KIF5C: variants seen among roughly 807,000 people sequenced by gnomAD.
The protein encoded by KIF5C is kinesin family member 5C.
KIF5C carries 18 observed loss-of-function variants against 125.2 expected under a neutral mutation model. The ratio of observed to expected loss-of-function variants is 0.14; its 90% CI spans 0.10 to 0.21. The LOEUF is 0.21. KIF5C is among the 10% of genes least tolerant of loss of function. The pLI is 1.00. For missense variants in KIF5C, 780 were observed against 1,183.8 expected, an observed-to-expected ratio of 0.66 and a Z score of 5.01; for synonymous variants, 405 against 434.0, an observed-to-expected ratio of 0.93 and a Z score of 0.83.
At chr2:148,988,812 T>C (rs1234599592) in intron 15 of KIF5C, among the ~76,000 whole-genome samples, 1 of 152,194 alleles carries the variant, frequency 6.6e-6, no homozygotes, top group Non-Finnish European at 1.5e-5. Flanking sequence ...GGCAGATCTT[T>C]GGCAGTCGGA....
At chr2:149,008,869 T>A (rs1232978028) in intron 23 of KIF5C, among the ~76,000 whole-genome samples, 3 of 152,160 alleles carry the variant, frequency 2.0e-5, no homozygotes, top group African/African-American at 4.8e-5. Flanking sequence ...TTCTAGATAG[T>A]TGAAGTCACT....
rs116458305 is a variant in KIF5C at position 148,908,954 on chromosome 2, T to A, written c.127-13183T>A. Among the ~76,000 whole-genome samples, 1,371 of 152,342 alleles carry A rather than the reference T, an allele frequency of 9.0e-3. 13 individuals carry two copies. Among genetic ancestry groups the A allele is most frequent in the Middle Eastern group, 0.041 (12 of 294 alleles). On this transcript the variant is annotated intron_variant, in intron 1 of 25. Transcript: ENST00000435030. The stretch of plus-strand genomic sequence containing the variant: ...TATGGCACAAAAGCAGTGAAGTCCC[T>A]GAAAATACCAGCCAAATTTCACCTG...
intron 8 of KIF5C, 102 bp downstream of exon 8, chr2:148,947,125 A>G (rs923943111): frequency 2.1e-6 from 3 of 1,442,540 alleles, no homozygotes; most frequent in Middle Eastern, 2.6e-4. Context: ...TGCTTTAAAG[A>G]GCTTTTAAAG....
At chr2:148,999,043 T>C (rs1172291843) in intron 19 of KIF5C, among the ~76,000 whole-genome samples, 2 of 152,106 alleles carry the variant, frequency 1.3e-5, no homozygotes, top group East Asian at 1.9e-4. Context: ...TCTGTGCAGG[T>C]AGAGGTGCCA....
At chr2:148,997,118 G>A (rs775553159) in intron 17 of KIF5C, 146 bp from the exon 18 acceptor site, 118 of 1,359,422 alleles carry the variant, frequency 8.7e-5, no homozygotes, top group Admixed American at 2.9e-4. Context: ...GTCCTTGCCT[G>A]TTCCTTTATG....
intron 3 of KIF5C, among the ~76,000 whole-genome samples, chr2:148,933,761 A>T (rs1205532563): frequency 1.3e-5 from 2 of 150,716 alleles, no homozygotes; most frequent in Non-Finnish European, 3.0e-5. Flanking sequence ...GCACACACAT[A>T]CATTCACGAC....
intron 16 of KIF5C, 42 bp downstream of exon 16, chr2:148,991,240 G>A: frequency 6.3e-7 from 1 of 1,595,102 alleles, no homozygotes; most frequent in African/African-American, 1.3e-5. Flanking sequence ...TTGTTGTCTT[G>A]AGATCTGCTC....
chr2:148,987,988 G>A (rs1182939388), intron 15 of KIF5C, among the ~76,000 whole-genome samples: 1 of 152,112 alleles, frequency 6.6e-6, no homozygotes, highest in Non-Finnish European at 1.5e-5. Context: ...ATGACTCCCT[G>A]TATAGGCAGG....
At chr2:148,875,846 T>G (rs919709899) in intron 1 of KIF5C, 103 bp downstream of exon 1, 187 of 1,447,944 alleles carry the variant, frequency 1.3e-4, no homozygotes, top group Non-Finnish European at 1.7e-4. Context: ...CCTCGGACAT[T>G]CCCGCGGGGC....
intron 25 of KIF5C, among the ~76,000 whole-genome samples, chr2:149,019,311 A>G (rs540751271): frequency 6.6e-6 from 1 of 152,352 alleles, no homozygotes; most frequent in Admixed American, 6.5e-5. Context: ...AAAAAGTCTT[A>G]GAAGAATACC....
chr2:148,968,160 C>T lies in KIF5C; in HGVS notation c.1118-5176C>T, dbSNP rs942033886. ...ACAAACTGGTGTATCTGCAGATTTT[C>T]TTCTCTTGAATAATTGCCTATAAGA... On this transcript the variant is annotated intron_variant, in intron 11 of 25. Transcript: ENST00000435030. Among the ~76,000 whole-genome samples, 6 of 152,314 alleles carry T rather than the reference C, an allele frequency of 3.9e-5. No individual in the cohort carries two copies. The East Asian group carries it at 1.2e-3, about 29-fold the overall frequency.
chr2:148,986,320 C>T (rs1433268083), intron 15 of KIF5C, among the ~76,000 whole-genome samples: 1 of 151,952 alleles, frequency 6.6e-6, no homozygotes, highest in African/African-American at 2.4e-5. Context: ...CATTGGATGT[C>T]CTAGTTAATT....
chr2:148,939,038 T>A (rs755674140), intron 4 of KIF5C, among the ~76,000 whole-genome samples: 16 of 148,244 alleles, frequency 1.1e-4, no homozygotes, highest in Non-Finnish European at 2.1e-4. Flanking sequence ...GAGGTTGCAG[T>A]GAGCTGAGAT....
At chr2:148,900,033 G>A (rs1007910514) in intron 1 of KIF5C, among the ~76,000 whole-genome samples, 2 of 152,136 alleles carry the variant, frequency 1.3e-5, no homozygotes, top group African/African-American at 4.8e-5. Flanking sequence ...CCCCAGAGTC[G>A]GGCTGCTTGG....
chr2:148,931,103 TTTTG>T (rs751287399), intron 3 of KIF5C, among the ~76,000 whole-genome samples: 20 of 152,312 alleles, frequency 1.3e-4, no homozygotes, highest in East Asian at 5.8e-4. Flanking sequence ...CTAGAGGTTT[TTTTG>T]TTTGTTTGTT....
intron 21 of KIF5C, among the ~76,000 whole-genome samples, chr2:149,004,854 C>T (rs938444448): frequency 2.0e-5 from 3 of 152,094 alleles, no homozygotes; most frequent in African/African-American, 7.2e-5. Flanking sequence ...CCCAGGGCCA[C>T]CCAGGAGGAA....
chr2:148,918,532 G>A (rs1681652253), intron 1 of KIF5C, among the ~76,000 whole-genome samples: 1 of 152,216 alleles, frequency 6.6e-6, no homozygotes, highest in East Asian at 1.9e-4. Flanking sequence ...TTCAGGGAAG[G>A]AGAAATTTGA....
At chr2:148,928,103 A>G (rs573358165) in intron 2 of KIF5C, among the ~76,000 whole-genome samples, 1 of 152,354 alleles carries the variant, frequency 6.6e-6, no homozygotes, top group African/African-American at 2.4e-5. Context: ...TTTAAAAAAC[A>G]TAACAAATCA....
At chr2:148,930,779 T>C (rs1419387305) in intron 3 of KIF5C, among the ~76,000 whole-genome samples, 1 of 152,186 alleles carries the variant, frequency 6.6e-6, no homozygotes, top group Admixed American at 6.5e-5. Flanking sequence ...GCATGAGGTT[T>C]ATTTATCACT....
Sources: allele counts gnomAD v4.1 joint callset (sites outside exome capture counted in the v4.1 genomes callset), GRCh38; gene constraint gnomAD v4.1.1; transcripts MANE v1.5; gene names NCBI Gene and HGNC (gene_info 2026-07-23, HGNC 2026-07-21).